The following PCDHGA3 variants were observed in gnomAD, a reference collection of about 807,000 sequenced individuals.
The protein encoded by PCDHGA3 is protocadherin gamma-A3.
Under a neutral mutation model 58.5 loss-of-function variants are expected in PCDHGA3, and 40 were observed. The ratio of observed to expected loss-of-function variants is 0.68; its 90% CI spans 0.53 to 0.89. The LOEUF (loss-of-function observed/expected upper bound fraction) is 0.89. PCDHGA3 is among the 40% of genes least tolerant of loss of function. The pLI, the probability that PCDHGA3 is intolerant of heterozygous loss-of-function variation, is 0.00. For missense variants in PCDHGA3, 1,223 were observed against 1,195.9 expected (o/e 1.02, Z -0.33); for synonymous variants, 530 against 525.7 (o/e 1.01, Z -0.11).
Position 141,397,579 on chromosome 5 carries a change from A to G in PCDHGA3, c.2424+51122A>G, listed in dbSNP as rs73279085. Among the ~76,000 whole-genome samples, 1,264 of 152,334 alleles carry G rather than the reference A, an allele frequency of 8.3e-3. 17 individuals are homozygous for G. Among genetic ancestry groups the G allele is most frequent in the African/African-American group, 0.029 (1,200 of 41,570 alleles). On this transcript the variant is annotated intron_variant, in intron 1 of 3. Coordinates refer to ENST00000253812, the MANE Select transcript of PCDHGA3 (RefSeq NM_018916.4). ...AGGCTCTGAGAGCAAGAACTGTATCATATTAATTATTATATTGCCAGTGAC... is the reference window on the plus strand; with the variant it reads ...AGGCTCTGAGAGCAAGAACTGTATCGTATTAATTATTATATTGCCAGTGAC...
intron 1 of PCDHGA3, chr5:141,441,529 A>C (rs1042479748): frequency 4.6e-5 from 8 of 172,366 alleles, no homozygotes; most frequent in African/African-American, 1.9e-4. Flanking sequence ...GGCCAAGAAC[A>C]ATCTTCCCAA....
intron 1 of PCDHGA3, chr5:141,409,280 T>C (rs1277414418): frequency 6.2e-7 from 1 of 1,613,904 alleles, no homozygotes; most frequent in Non-Finnish European, 8.5e-7. Context: ...TTTGGAGAAT[T>C]CACCTCCAGG....
At chr5:141,383,111 GGAC>G in intron 1 of PCDHGA3, 1 of 1,614,040 alleles carries the variant, frequency 6.2e-7, no homozygotes, top group South Asian at 1.1e-5. Context: ...TCCAGAGGTA[GGAC>G]GCAGCTTTTC....
intron 1 of PCDHGA3, among the ~76,000 whole-genome samples, chr5:141,439,050 A>G (rs1353548752): frequency 1.3e-5 from 2 of 151,164 alleles, no homozygotes; most frequent in Non-Finnish European, 2.9e-5. Flanking sequence ...TAAGATTTCC[A>G]TATTGTGTGG....
chr5:141,351,943 C>G, intron 1 of PCDHGA3: 1 of 1,613,168 alleles, frequency 6.2e-7, no homozygotes, highest in Non-Finnish European at 8.5e-7. Flanking sequence ...TGCTGTACCC[C>G]GCGCTGGGGC....
rs774333465 is a variant in PCDHGA3 at position 141,365,744 on chromosome 5, T to A, written c.2424+19287T>A. On this transcript the variant is annotated intron_variant, in intron 1 of 3. Transcript: ENST00000253812. Reference sequence around the variant, plus strand: ...AAACAATCCCAGAGGTGTCTCTATCTTCTCTGTGACAGCCCATGACCCCGA... The same window carrying A: ...AAACAATCCCAGAGGTGTCTCTATCATCTCTGTGACAGCCCATGACCCCGA... 3.7e-6 allele frequency: 6 copies of A among 1,613,660 alleles called. No homozygotes were observed. Among genetic ancestry groups the A allele is most frequent in the Non-Finnish European group, 4.2e-6 (5 of 1,179,882 alleles).
chr5:141,350,882 A>C, intron 1 of PCDHGA3: 1 of 1,614,052 alleles, frequency 6.2e-7, no homozygotes, highest in Non-Finnish European at 8.5e-7. Context: ...TCATCGCTTA[A>C]TCCTGACTGC....
At chr5:141,397,920 T>A (rs2093586320) in intron 1 of PCDHGA3, 15 of 727,102 alleles carry the variant, frequency 2.1e-5, no homozygotes, top group Non-Finnish European at 3.3e-5. Flanking sequence ...CCAGATCTCC[T>A]CGCGCAGCCG....
chr5:141,487,689 A>G lies in PCDHGA3; in HGVS notation c.2425-7118A>G. 6.2e-7 allele frequency: 1 copy of G among 1,605,144 alleles called. No homozygotes were observed. The highest frequency in any genetic ancestry group is 1.7e-4 in the Middle Eastern group (1 of 6,050). ...GGCATATGGCTAGGCCATGTCCTAG[A>G]GAGTACTGGCCTCTCAGTAAGTGCC... On this transcript the variant is annotated intron_variant, in intron 1 of 3. Coordinates refer to ENST00000253812, the MANE Select transcript of PCDHGA3 (RefSeq NM_018916.4). This position sits in a 1 kb window ranked among gnomAD's most constrained non-coding sequence, Gnocchi z 5.0.
At chr5:141,501,402 G>T (rs527659990) in intron 2 of PCDHGA3, among the ~76,000 whole-genome samples, 1 of 151,622 alleles carries the variant, frequency 6.6e-6, no homozygotes, top group African/African-American at 2.4e-5. Context: ...ACAGGCCACT[G>T]CTTGGAAAAT....
At chr5:141,370,431 C>T (rs781725502) in intron 1 of PCDHGA3, 6 of 1,599,456 alleles carry the variant, frequency 3.8e-6, no homozygotes, top group Non-Finnish European at 5.1e-6. Context: ...CCCAGCAGGG[C>T]AGAGGCGAAT....
At chr5:141,399,095 T>G (rs1342683408) in intron 1 of PCDHGA3, 2 of 1,613,850 alleles carry the variant, frequency 1.2e-6, no homozygotes, top group East Asian at 2.2e-5. Context: ...GGTGGTGGAC[T>G]GGTTGCACAA....
intron 1 of PCDHGA3, among the ~76,000 whole-genome samples, chr5:141,455,250 A>C (rs1016027355): frequency 2.0e-5 from 3 of 152,172 alleles, no homozygotes; most frequent in Non-Finnish European, 2.9e-5. Flanking sequence ...GTCATAGTAC[A>C]ATCGCATTTC....
rs1326004540 is a variant in PCDHGA3 at position 141,477,117 on chromosome 5, C to T, written c.2425-17690C>T. Reference sequence around the variant, plus strand: ...GACAAGGGCGCCAATCCCGAAGGAGCACATTGCAAAGTGTTGGTGGAGGTT... The same window carrying T: ...GACAAGGGCGCCAATCCCGAAGGAGTACATTGCAAAGTGTTGGTGGAGGTT... On this transcript the variant is annotated intron_variant, in intron 1 of 3. Coordinates refer to ENST00000253812, the MANE Select transcript of PCDHGA3 (RefSeq NM_018916.4). The surrounding 1 kb of genome is among the most constrained non-coding windows in gnomAD (Gnocchi z 4.9). 1.2e-6 allele frequency: 2 copies of T among 1,614,246 alleles called. No homozygotes were observed. Among genetic ancestry groups the T allele is most frequent in the East Asian group, 4.5e-5 (2 of 44,886 alleles).
At chr5:141,408,716 A>G in intron 1 of PCDHGA3, 2 of 1,611,732 alleles carry the variant, frequency 1.2e-6, no homozygotes, top group East Asian at 2.2e-5. Context: ...AGATTATAAG[A>G]TAAACTCTAA....
intron 1 of PCDHGA3, chr5:141,399,694 A>G (rs1467163302): frequency 1.9e-6 from 3 of 1,613,454 alleles, no homozygotes; most frequent in Admixed American, 1.7e-5. Flanking sequence ...GCAGCTGCGC[A>G]CCTTCGAACT....
At chr5:141,422,806 C>A in intron 1 of PCDHGA3, 1 of 1,614,208 alleles carries the variant, frequency 6.2e-7, no homozygotes, top group Non-Finnish European at 8.5e-7. Flanking sequence ...TGAGCAGTTT[C>A]GAGACTTAGA....
intron 1 of PCDHGA3, chr5:141,423,689 G>T: frequency 7.1e-7 from 1 of 1,400,130 alleles, no homozygotes; most frequent in Non-Finnish European, 9.4e-7. Context: ...CCTCCTAATT[G>T]TTGGTGTCTT....
At chr5:141,357,518 C>A in intron 1 of PCDHGA3, 1 of 1,614,246 alleles carries the variant, frequency 6.2e-7, no homozygotes, top group Non-Finnish European at 8.5e-7. Flanking sequence ...TTCTCCCAAC[C>A]CAGCTATGCA....
Sources: gnomAD v4.1 joint callset for allele counts (sites outside exome capture counted in the v4.1 genomes callset) on GRCh38, gnomAD v4.1.1 for gene constraint, Gnocchi (gnomAD v3.1) non-coding constraint, MANE v1.5 for transcripts, NCBI Gene and HGNC (gene_info 2026-07-23, HGNC 2026-07-21) for gene names.